Variants in CMTM7 observed in about 807,000 individuals in gnomAD.
CMTM7 encodes CKLF like MARVEL transmembrane domain containing 7.
A neutral mutation model predicts 19.3 loss-of-function variants in CMTM7; 7 were observed. That is an observed-to-expected ratio of 0.36 (90% CI 0.21 to 0.68). The LOEUF is 0.68. Ranked by LOEUF, CMTM7 falls within the 30% of genes least tolerant of loss-of-function variation. The probability of loss-of-function intolerance (pLI) is 0.60; values close to 1 mark genes in which losing one functional copy is unlikely to be tolerated. For synonymous variants in CMTM7, 87 were observed against 99.3 expected (o/e 0.88, Z 0.74); for missense variants, 193 against 232.6 (o/e 0.83, Z 1.11).
chr3:32,433,312 CA>C (rs1696547611), intron 1 of CMTM7, among the ~76,000 whole-genome samples: 1 of 152,152 alleles, frequency 6.6e-6, no homozygotes, highest in Non-Finnish European at 1.5e-5. Context: ...GGTGGTGAAT[CA>C]GTGATGTGAT....
At chr3:32,401,304 C>G (rs1695998409) in intron 1 of CMTM7, among the ~76,000 whole-genome samples, 1 of 152,232 alleles carries the variant, frequency 6.6e-6, no homozygotes, top group South Asian at 2.1e-4. Flanking sequence ...ATCCAGGACA[C>G]CTCAAATAAC....
intron 1 of CMTM7, among the ~76,000 whole-genome samples, chr3:32,400,999 CT>C (rs1174602494): frequency 6.6e-6 from 1 of 152,170 alleles, no homozygotes; most frequent in Non-Finnish European, 1.5e-5. Context: ...ATTCTCTAGA[CT>C]TTTTAACATC....
intron 1 of CMTM7, among the ~76,000 whole-genome samples, chr3:32,410,620 A>ACTTTTCCC (rs1696157912): frequency 6.6e-6 from 1 of 151,276 alleles, no homozygotes; most frequent in Admixed American, 6.6e-5. Flanking sequence ...AAGCTGGGAA[A>ACTTTTCCC]AGTCACAGAG....
At chr3:32,444,929 T>C (rs1035170648) in intron 2 of CMTM7, among the ~76,000 whole-genome samples, 1 of 152,170 alleles carries the variant, frequency 6.6e-6, no homozygotes, top group Admixed American at 6.5e-5. Flanking sequence ...ACTTTTTAAA[T>C]TAAATTTGTG....
At chr3:32,398,835 A>G (rs1695956769) in intron 1 of CMTM7, among the ~76,000 whole-genome samples, 1 of 152,028 alleles carries the variant, frequency 6.6e-6, no homozygotes, top group Non-Finnish European at 1.5e-5. Context: ...AAATACAAAA[A>G]TTAGATGGGT....
At chr3:32,444,306 A>G (rs1322258096) in intron 2 of CMTM7, among the ~76,000 whole-genome samples, 1 of 152,234 alleles carries the variant, frequency 6.6e-6, no homozygotes, top group East Asian at 1.9e-4. Context: ...TCATATGTTG[A>G]AAAGACTATT....
At chr3:32,437,794 G>T (rs1432764635) in intron 1 of CMTM7, among the ~76,000 whole-genome samples, 2 of 152,070 alleles carry the variant, frequency 1.3e-5, no homozygotes, top group African/African-American at 4.8e-5. Context: ...GTGAGGCTGA[G>T]GTAGGAGAAT....
rs1268025015 is a variant in CMTM7, at chr3:32,454,667, A to G, written c.*413A>G. On this transcript the variant is annotated 3_prime_UTR_variant, in exon 5 of 5. Coordinates refer to ENST00000334983, the MANE Select transcript of CMTM7 (RefSeq NM_138410.4). ...AACAAAGCCCTGTCCTAATTTATCT[A>G]GCTTGTCAGTCCGGTCTTAGAGATA... 3 of 363,890 alleles carry G rather than the reference A, an allele frequency of 8.2e-6. No homozygotes were observed. The highest frequency in any genetic ancestry group is 4.2e-5 in the African/African-American group (2 of 47,168). The allele number at this position is 363,890 out of a possible 1,614,324, so 22.5% of individuals were successfully genotyped here.
At chr3:32,453,372 A>G (rs1022246881) in intron 4 of CMTM7, among the ~76,000 whole-genome samples, 5 of 152,208 alleles carry the variant, frequency 3.3e-5, no homozygotes, top group East Asian at 1.9e-4. Context: ...GAAAATATAT[A>G]TATCTGTTGC....
intron 1 of CMTM7, among the ~76,000 whole-genome samples, chr3:32,417,280 C>CTATA (rs1490373315): frequency 6.6e-6 from 1 of 152,344 alleles, no homozygotes; most frequent in African/African-American, 2.4e-5. Context: ...TCTTCCATCC[C>CTATA]TATAGTTTTA....
At position 32,449,530 on chromosome 3, in the gene CMTM7, A is replaced by G. The variant is rs772170038; in HGVS notation, c.410A>G (p.Gln137Arg). 1.2e-6 allele frequency: 2 copies of G among 1,613,936 alleles called. No homozygotes were observed. Among genetic ancestry groups the G allele is most frequent in the African/African-American group, 2.7e-5 (2 of 74,940 alleles). Residue 137 changes from glutamine to arginine, a missense_variant, in exon 3 of 5, where the codon CAG becomes CGG. Transcript: ENST00000334983. The surrounding 1 kb of genome is among the most constrained non-coding windows in gnomAD (Gnocchi z 4.5). ...SIVAASKSYN[Q>R]SGLVAGAIFG... ...GTGGCAGCTTCCAAGAGTTACAACC[A>G]GAGCGGACTGGTAGCCGGAGCGGTG...
Position 32,449,447 on chromosome 3 carries a change from C to T in CMTM7, c.334-7C>T, listed in dbSNP as rs765515515. On this transcript the variant is annotated splice_polypyrimidine_tract_variant and splice_region_variant and intron_variant, in intron 2 of 4. Coordinates refer to ENST00000334983, the MANE Select transcript of CMTM7 (RefSeq NM_138410.4). The surrounding 1 kb of genome is among the most constrained non-coding windows in gnomAD (Gnocchi z 4.5). The stretch of plus-strand genomic sequence containing the variant: ...TACCCACTTATTTGCTTTGTTTCTG[C>T]CCCCAGGAACTTCTGCACTATTTAA... 5.6e-6 allele frequency: 9 copies of T among 1,607,670 alleles called. No homozygotes were observed. The highest frequency in any genetic ancestry group is 7.7e-6 in the Non-Finnish European group (9 of 1,174,252).
chr3:32,434,329 C>G (rs1374652599), intron 1 of CMTM7, among the ~76,000 whole-genome samples: 1 of 152,086 alleles, frequency 6.6e-6, no homozygotes, highest in African/African-American at 2.4e-5. Flanking sequence ...TAGGTTCTCA[C>G]TTCGTCACCC....
intron 1 of CMTM7, among the ~76,000 whole-genome samples, chr3:32,408,367 A>G (rs1302943052): frequency 1.3e-5 from 2 of 152,270 alleles, no homozygotes; most frequent in Non-Finnish European, 2.9e-5. Context: ...GACTGTAGAC[A>G]TTTAATATTT....
chr3:32,437,378 C>G (rs917846913), intron 1 of CMTM7, among the ~76,000 whole-genome samples: 5 of 152,146 alleles, frequency 3.3e-5, no homozygotes, highest in Admixed American at 2.6e-4. Flanking sequence ...GGGTGGATCA[C>G]TTGAGGTCAG....
chr3:32,399,808 C>T (rs1695974622), intron 1 of CMTM7, among the ~76,000 whole-genome samples: 1 of 152,110 alleles, frequency 6.6e-6, no homozygotes, highest in South Asian at 2.1e-4. Flanking sequence ...TCAGCCCATT[C>T]CTGACAAGAA....
At chr3:32,421,785 C>T (rs941775464) in intron 1 of CMTM7, among the ~76,000 whole-genome samples, 1 of 152,142 alleles carries the variant, frequency 6.6e-6, no homozygotes, top group African/African-American at 2.4e-5. Flanking sequence ...CCTATTTGTT[C>T]CTCCCAAGAA....
chr3:32,446,131 A>ACCGT (rs34789372), intron 2 of CMTM7, among the ~76,000 whole-genome samples: 1 of 151,542 alleles, frequency 6.6e-6, no homozygotes, highest in Non-Finnish European at 1.5e-5. Flanking sequence ...TAGCAGTGAC[A>ACCGT]CTGGGTCTCA....
chr3:32,414,160 A>G (rs1355205712), intron 1 of CMTM7, among the ~76,000 whole-genome samples: 15 of 151,726 alleles, frequency 9.9e-5, no homozygotes. Context: ...CTTGGAGAGC[A>G]CTCCCCAGTT....
Sources: allele counts gnomAD v4.1 joint callset (sites outside exome capture counted in the v4.1 genomes callset), GRCh38; gene constraint gnomAD v4.1.1; non-coding constraint Gnocchi (gnomAD v3.1); transcripts MANE v1.5; gene names NCBI Gene and HGNC (gene_info 2026-07-23, HGNC 2026-07-21).